The following COPG2 variants were observed in gnomAD, a reference collection of about 807,000 sequenced individuals.
The protein encoded by COPG2 is coat protein complex I subunit gamma 2.
A neutral mutation model predicts 46.3 loss-of-function variants in COPG2; 37 were observed. The ratio of observed to expected loss-of-function variants is 0.80; its 90% CI spans 0.61 to 1.05. The LOEUF is 1.05. COPG2 is among the 50% of genes least tolerant of loss of function. The pLI is 0.00. For missense variants in COPG2, 427 were observed against 387.8 expected, an observed-to-expected ratio of 1.10 and a Z score of -0.85; for synonymous variants, 159 against 129.7, an observed-to-expected ratio of 1.23 and a Z score of -1.53.
At chr7:130,574,651 C>G (rs553997878) in intron 9 of COPG2, among the ~76,000 whole-genome samples, 2 of 152,058 alleles carry the variant, frequency 1.3e-5, no homozygotes. Flanking sequence ...ACACCTCCCC[C>G]CCCAAAAAAA....
At chr7:130,520,687 T>C (rs1374925451) in intron 20 of COPG2, among the ~76,000 whole-genome samples, 1 of 152,236 alleles carries the variant, frequency 6.6e-6, no homozygotes, top group Non-Finnish European at 1.5e-5. Context: ...TTATGCATTA[T>C]TCCTGTCATC....
At chr7:130,609,685 ATTTTC>A (rs1274963856) in intron 9 of COPG2, among the ~76,000 whole-genome samples, 5 of 151,352 alleles carry the variant, frequency 3.3e-5, no homozygotes, top group African/African-American at 7.3e-5. Flanking sequence ...CTATTCTTTT[ATTTTC>A]TTTTCTTATT....
chr7:130,511,522 C>T (rs1799594743), intron 20 of COPG2: 1 of 519,834 alleles, frequency 1.9e-6, no homozygotes, highest in Admixed American at 1.9e-5. Flanking sequence ...AGGACAAATT[C>T]AGAAAGGGAA....
chr7:130,517,072 T>C (rs918472760), intron 20 of COPG2, among the ~76,000 whole-genome samples: 3 of 151,806 alleles, frequency 2.0e-5, no homozygotes, highest in Admixed American at 1.3e-4. Flanking sequence ...ACAGAAGATA[T>C]AGCAGCATGA....
At chr7:130,626,421 T>C (rs907597419) in intron 5 of COPG2, among the ~76,000 whole-genome samples, 8 of 109,086 alleles carry the variant, frequency 7.3e-5, no homozygotes, top group South Asian at 5.7e-4. Flanking sequence ...TTTTTTTTTT[T>C]CTATTTTTTA....
intron 5 of COPG2, chr7:130,645,718 T>C (rs1795583058): frequency 6.9e-6 from 1 of 144,214 alleles, no homozygotes; most frequent in Non-Finnish European, 1.5e-5. Flanking sequence ...TCTTGCAAAA[T>C]TGCCCTTGTT....
chr7:130,645,068 CAAA>C (rs59544911), intron 5 of COPG2, among the ~76,000 whole-genome samples: 12 of 113,438 alleles, frequency 1.1e-4, no homozygotes, highest in African/African-American at 1.5e-4. Flanking sequence ...ATCCCAAAAA[CAAA>C]AAAAAAAAAA....
chr7:130,623,300 C>T (rs782123830), intron 5 of COPG2, among the ~76,000 whole-genome samples: 1 of 152,150 alleles, frequency 6.6e-6, no homozygotes, highest in Non-Finnish European at 1.5e-5. Context: ...CTGTCTTAGT[C>T]TATTCCATGG....
At chr7:130,584,427 G>A (rs1301551194) in intron 9 of COPG2, among the ~76,000 whole-genome samples, 2 of 151,854 alleles carry the variant, frequency 1.3e-5, no homozygotes, top group Non-Finnish European at 2.9e-5. Context: ...CTCTCACCAC[G>A]CCTCTTCAAC....
chr7:130,665,816 G>GT (rs1255082370), intron 3 of COPG2, among the ~76,000 whole-genome samples: 6 of 145,098 alleles, frequency 4.1e-5, no homozygotes, highest in Non-Finnish European at 9.0e-5. Flanking sequence ...CATTTCATGA[G>GT]TTTTTTTTAA....
At chr7:130,523,308 G>A (rs1056112146) in intron 20 of COPG2, among the ~76,000 whole-genome samples, 1 of 151,786 alleles carries the variant, frequency 6.6e-6, no homozygotes, top group African/African-American at 2.4e-5. Context: ...TCTGAAGGGT[G>A]AGCAGTGTTC....
chr7:130,588,039 G>GA (rs2116453842), intron 9 of COPG2, among the ~76,000 whole-genome samples: 1 of 152,082 alleles, frequency 6.6e-6, no homozygotes, highest in African/African-American at 2.4e-5. Flanking sequence ...AAAAACACAT[G>GA]AAAAAATGCT....
intron 9 of COPG2, among the ~76,000 whole-genome samples, chr7:130,583,531 G>A (rs1794200055): frequency 6.9e-6 from 1 of 145,528 alleles, no homozygotes. Context: ...CCCAGGCCTG[G>A]TGCAGTGGCT....
intron 5 of COPG2, among the ~76,000 whole-genome samples, chr7:130,639,580 T>A (rs929492264): frequency 2.6e-5 from 4 of 152,208 alleles, no homozygotes; most frequent in Non-Finnish European, 4.4e-5. Context: ...TGGATCCTAT[T>A]AAAAGCCTCT....
chr7:130,612,118 C>A, intron 8 of COPG2, 34 bp downstream of exon 8: 1 of 1,455,648 alleles, frequency 6.9e-7, no homozygotes, highest in Non-Finnish European at 9.6e-7. Context: ...GAATGCTGAT[C>A]CTGAGACAAG....
intron 20 of COPG2, among the ~76,000 whole-genome samples, chr7:130,542,604 T>C (rs1016485635): frequency 6.6e-6 from 1 of 151,956 alleles, no homozygotes; most frequent in Non-Finnish European, 1.5e-5. Context: ...GGACTGGATG[T>C]TGAAGATGAA....
chr7:130,550,411 CA>C (rs1158918044), intron 17 of COPG2, 112 bp downstream of exon 17: 2,682 of 104,134 alleles, frequency 0.026, no homozygotes, highest in Middle Eastern at 0.071. Flanking sequence ...GACTCTATCT[CA>C]AAAAAAAAAA....
At chr7:130,658,940 A>C (rs1554460248) in intron 4 of COPG2, among the ~76,000 whole-genome samples, 2 of 152,040 alleles carry the variant, frequency 1.3e-5, no homozygotes, top group Non-Finnish European at 2.9e-5. Flanking sequence ...TCAGCCTCCT[A>C]AAGTGCTGAG....
chr7:130,571,206 A>C (rs1405938186), intron 9 of COPG2, among the ~76,000 whole-genome samples: 1 of 152,252 alleles, frequency 6.6e-6, no homozygotes, highest in Non-Finnish European at 1.5e-5. Context: ...GGACTTAATT[A>C]AACTAAAAAG....
Sources: gnomAD v4.1 joint callset for allele counts (sites outside exome capture counted in the v4.1 genomes callset) on GRCh38, gnomAD v4.1.1 for gene constraint, MANE v1.5 for transcripts, NCBI Gene and HGNC (gene_info 2026-07-23, HGNC 2026-07-21) for gene names.